The following HECW1 variants were observed in gnomAD, a reference collection of about 807,000 sequenced individuals.
HECW1 encodes E3 ubiquitin-protein ligase HECW1.
In HECW1, 61 loss-of-function variants were observed where a neutral mutation model predicts 182.3. The observed-to-expected ratio is 0.33, with a 90% CI of 0.27 to 0.41. The LOEUF (loss-of-function observed/expected upper bound fraction) is 0.41. Among genes scored for constraint, HECW1 ranks in the 10% least tolerant of loss-of-function variants. The pLI is 1.00. For synonymous variants in HECW1, 859 were observed against 832.6 expected (o/e 1.03, Z -0.55); for missense variants, 1,739 against 2,108.9 (o/e 0.82, Z 3.44).
At chr7:43,380,533 A>AT (rs113431810) in intron 6 of HECW1, among the ~76,000 whole-genome samples, 15 of 151,736 alleles carry the variant, frequency 9.9e-5, no homozygotes, top group Non-Finnish European at 1.6e-4. Context: ...AATGTATGTG[A>AT]TTTTTTCCCC....
At chr7:43,499,360 T>A (rs1042001075) in intron 19 of HECW1, among the ~76,000 whole-genome samples, 2 of 151,874 alleles carry the variant, frequency 1.3e-5, no homozygotes, top group Non-Finnish European at 2.9e-5. Context: ...TCCCAGCTAC[T>A]CAGGAGGCTG....
At chr7:43,145,617 G>C (rs949032801) in intron 2 of HECW1, among the ~76,000 whole-genome samples, 8 of 152,200 alleles carry the variant, frequency 5.3e-5, no homozygotes, top group Admixed American at 3.9e-4. Flanking sequence ...TCTGGAGGCA[G>C]AGGTGTCTTC....
chr7:43,562,439 A>G lies in HECW1; in HGVS notation c.*513A>G. 1 of 228,602 alleles carries G rather than the reference A, an allele frequency of 4.4e-6. No individual in the cohort carries two copies. 14.2% of individuals were successfully genotyped at this position (228,602 alleles called of 1,614,324 possible). On this transcript the variant is annotated 3_prime_UTR_variant, in exon 30 of 30. Transcript: ENST00000395891. ...CCTCTCCATCTACTTTTCCCTGTGC[A>G]TAATATCCATCCAAAGGACAACAGT...
intron 3 of HECW1, among the ~76,000 whole-genome samples, chr7:43,261,505 G>C (rs571174723): frequency 9.9e-5 from 15 of 152,148 alleles, no homozygotes; most frequent in Non-Finnish European, 1.8e-4. Context: ...TAAACCCTTG[G>C]GGGTTAAATG....
chr7:43,479,660 A>G lies in HECW1; in HGVS notation c.3150A>G (p.Arg1050=). 1 of 1,613,898 alleles carries G rather than the reference A, an allele frequency of 6.2e-7. No homozygotes were observed. The highest frequency in any genetic ancestry group is 8.5e-7 in the Non-Finnish European group (1 of 1,179,976). The part of the protein sequence containing the change: ...NSRATTFIDP[R]IPLQNGRLPN... ...GAGCTACCACTTTCATTGACCCCCG[A>G]ATCCCTCTTCAGAACGGTCGTCTTC... is the stretch of plus-strand genomic sequence containing the variant. The change falls in exon 17 of 30, where the codon CGA becomes CGG. Residue 1050 remains arginine, a synonymous_variant. Coordinates refer to ENST00000395891, the MANE Select transcript of HECW1 (RefSeq NM_015052.5).
intron 24 of HECW1, among the ~76,000 whole-genome samples, chr7:43,521,872 C>G (rs2080493747): frequency 6.6e-6 from 1 of 152,166 alleles, no homozygotes; most frequent in African/African-American, 2.4e-5. Flanking sequence ...AACTCCATCT[C>G]AAAAATAAAC....
intron 2 of HECW1, among the ~76,000 whole-genome samples, chr7:43,202,505 A>C (rs1474120495): frequency 1.9e-4 from 28 of 146,714 alleles, no homozygotes; most frequent in Non-Finnish European, 3.4e-4. Flanking sequence ...ACAGAATCTC[A>C]CTCTATCCCC....
chr7:43,270,479 T>C (rs138369339), intron 3 of HECW1, among the ~76,000 whole-genome samples: 1 of 152,324 alleles, frequency 6.6e-6, no homozygotes, highest in Non-Finnish European at 1.5e-5. Context: ...GCCAGGAGAC[T>C]GAGGTAGAAG....
At chr7:43,186,468 C>T (rs1156920810) in intron 2 of HECW1, among the ~76,000 whole-genome samples, 3 of 151,954 alleles carry the variant, frequency 2.0e-5, no homozygotes, top group Non-Finnish European at 4.4e-5. Flanking sequence ...GAGATTGAGA[C>T]CATCCTGGCT....
At position 43,164,384 on chromosome 7, in the gene HECW1, TAA is replaced by T. The variant is rs200790109; in HGVS notation, c.-32+49994_-32+49995del. Among the ~76,000 whole-genome samples, 1,247 of 152,364 alleles carry T rather than the reference TAA, an allele frequency of 8.2e-3. 11 individuals carry two copies. Among genetic ancestry groups the T allele is most frequent in the Non-Finnish European group, 0.014 (926 of 68,038 alleles). ...GCACATATTGAAACAGTGTTTTGCA[TAA>T]GTTGAGTTGAAGGTGCCAGTGGGGC... On this transcript the variant is annotated intron_variant, in intron 2 of 29. Transcript: ENST00000395891.
intron 8 of HECW1, among the ~76,000 whole-genome samples, chr7:43,431,117 A>G (rs1222846405): frequency 6.6e-6 from 1 of 152,136 alleles, no homozygotes; most frequent in Non-Finnish European, 1.5e-5. Flanking sequence ...ACATTTCTCC[A>G]GATGATCAAG....
intron 2 of HECW1, chr7:43,117,810 G>A (rs1199703988): frequency 6.6e-6 from 1 of 152,214 alleles, no homozygotes; most frequent in Non-Finnish European, 1.5e-5. Flanking sequence ...TTACTTACTG[G>A]CAACATATGA....
rs144418252 is a variant in HECW1 at position 43,492,507 on chromosome 7, T to C, written c.3340+327T>C. 2.6e-5 allele frequency among the ~76,000 whole-genome samples: 4 copies of C among 152,376 alleles called. No individual in the cohort carries two copies. The East Asian group carries it at 7.7e-4, about 29-fold the overall frequency. On this transcript the variant is annotated intron_variant, in intron 18 of 29. Transcript: ENST00000395891. ...AGCAAGGTTTAAATGAGGTGAATTT[T>C]ACTGTTTTTAGACAGTTTTTAATGT...
intron 26 of HECW1, among the ~76,000 whole-genome samples, chr7:43,548,363 C>T (rs896237002): frequency 1.3e-5 from 2 of 151,986 alleles, no homozygotes; most frequent in African/African-American, 4.8e-5. Flanking sequence ...TGAAAAAAAT[C>T]CATGTACGAG....
intron 8 of HECW1, among the ~76,000 whole-genome samples, chr7:43,416,888 G>A: frequency 6.6e-6 from 1 of 151,776 alleles, no homozygotes; most frequent in South Asian, 2.1e-4. Flanking sequence ...GCTTCGGCTC[G>A]AGCACGGTGT....
chr7:43,122,178 T>C (rs1314741985), intron 2 of HECW1, among the ~76,000 whole-genome samples: 1 of 152,198 alleles, frequency 6.6e-6, no homozygotes, highest in African/African-American at 2.4e-5. Context: ...CCTTGTTCTA[T>C]AAATGAGCAA....
intron 2 of HECW1, among the ~76,000 whole-genome samples, chr7:43,188,920 G>A (rs2152681994): frequency 6.6e-6 from 1 of 152,238 alleles, no homozygotes; most frequent in East Asian, 1.9e-4. Flanking sequence ...ACAATTATAG[G>A]ACTGGTTCTT....
intron 4 of HECW1, among the ~76,000 whole-genome samples, chr7:43,317,138 G>C (rs1809421049): frequency 6.6e-6 from 1 of 152,022 alleles, no homozygotes; most frequent in African/African-American, 2.4e-5. Flanking sequence ...CAGGCTCTTG[G>C]GCCTGTGGCT....
chr7:43,514,911 G>A (rs1244595108), intron 24 of HECW1, among the ~76,000 whole-genome samples: 1 of 152,108 alleles, frequency 6.6e-6, no homozygotes, highest in Non-Finnish European at 1.5e-5. Flanking sequence ...GATAGTCGAG[G>A]ACCAGGTAGG....
Sources: gnomAD v4.1 joint callset for allele counts (sites outside exome capture counted in the v4.1 genomes callset) on GRCh38, gnomAD v4.1.1 for gene constraint, MANE v1.5 for transcripts, NCBI Gene and HGNC (gene_info 2026-07-23, HGNC 2026-07-21) for gene names.